Variants in RASA3 observed in about 807,000 individuals in gnomAD.
RASA3 encodes the protein ras GTPase-activating protein 3.
RASA3 carries 73 observed loss-of-function variants against 110.0 expected under a neutral mutation model. The observed-to-expected ratio is 0.66, with a 90% confidence interval of 0.55 to 0.81. RASA3 has a LOEUF of 0.81. Among genes scored for constraint, RASA3 ranks in the 30% least tolerant of loss-of-function variants. The pLI, the probability that RASA3 is intolerant of heterozygous loss-of-function variation, is 0.00. For synonymous variants in RASA3, 500 were observed against 451.4 expected, an observed-to-expected ratio of 1.11 and a Z score of -1.37; for missense variants, 976 against 1,113.2, an observed-to-expected ratio of 0.88 and a Z score of 1.75.
intron 1 of RASA3, among the ~76,000 whole-genome samples, chr13:114,090,631 A>C (rs2079878765): frequency 6.6e-6 from 1 of 152,178 alleles, no homozygotes; most frequent in African/African-American, 2.4e-5. Flanking sequence ...ATGGGCTGTG[A>C]AACTACAAGA....
At chr13:113,996,501 C>T in intron 21 of RASA3, 30 bp downstream of exon 21, 1 of 1,597,466 alleles carries the variant, frequency 6.3e-7, no homozygotes, top group Admixed American at 1.7e-5. Context: ...CTGCACAGTG[C>T]ACGAGCTGGG....
intron 2 of RASA3, among the ~76,000 whole-genome samples, chr13:114,066,784 G>A (rs868626386): frequency 1.1e-4 from 17 of 152,250 alleles, no homozygotes; most frequent in African/African-American, 2.2e-4. Flanking sequence ...ATGCTGGGCC[G>A]GGCTTGGGGG....
chr13:114,052,532 T>C (rs2079162228), intron 2 of RASA3, among the ~76,000 whole-genome samples: 1 of 152,182 alleles, frequency 6.6e-6, no homozygotes, highest in African/African-American at 2.4e-5. Context: ...TGGCTCCCTT[T>C]ATGCATTAAA....
intron 7 of RASA3, among the ~76,000 whole-genome samples, chr13:114,024,789 G>C (rs1475254741): frequency 6.6e-6 from 1 of 152,228 alleles, no homozygotes; most frequent in South Asian, 2.1e-4. Flanking sequence ...GAAGTGAAAC[G>C]CGTGAGGTCT....
chr13:114,025,006 G>A (rs974166708), intron 7 of RASA3, among the ~76,000 whole-genome samples: 5 of 152,208 alleles, frequency 3.3e-5, no homozygotes, highest in Non-Finnish European at 7.3e-5. Context: ...GCAGGAGGCC[G>A]ACCCACAGGC....
Position 114,013,184 on chromosome 13 carries a change from G to C in RASA3, c.1470C>G (p.Ala490=). The change falls in exon 15 of 24, where the codon GCC becomes GCG. Residue 490 remains alanine, a synonymous_variant. Transcript: ENST00000334062. ...GCTGGAAGAGGTTGGGGGAGAGAAT[G>C]GCGGGCGCAAAGAACCTCAGGAAGA... is the stretch of plus-strand genomic sequence containing the variant. ...SFIFLRFFAP[A]ILSPNLFQLT... 6.2e-7 allele frequency: 1 copy of C among 1,613,528 alleles called. No individual in the cohort carries two copies. The highest frequency in any genetic ancestry group is 8.5e-7 in the Non-Finnish European group (1 of 1,179,780).
intron 4 of RASA3, among the ~76,000 whole-genome samples, chr13:114,040,522 A>G (rs113455379): frequency 7.4e-6 from 1 of 135,310 alleles, no homozygotes; most frequent in Non-Finnish European, 1.6e-5. Flanking sequence ...ACAACCCAAA[A>G]TCCATGGCGG....
intron 14 of RASA3, 111 bp from the exon 15 acceptor site, chr13:114,013,359 C>G: frequency 3.2e-6 from 2 of 632,234 alleles, no homozygotes; most frequent in Admixed American, 5.4e-5. Context: ...ACAGTCCTGG[C>G]TCTATCTCCA....
chr13:114,022,462 A>C lies in RASA3; in HGVS notation c.681-954T>G, dbSNP rs552137440. On this transcript the variant is annotated intron_variant, in intron 8 of 23. Coordinates refer to ENST00000334062, the MANE Select transcript of RASA3 (RefSeq NM_007368.4). The stretch of plus-strand genomic sequence containing the variant: ...CAGTTACACGTGGCCAGCCCTACCC[A>C]GGGGGCTAAAACTCGGCAGGCCTAA... Among the ~76,000 whole-genome samples the C allele has an allele frequency of 2.6e-5, 4 of 152,320 alleles. No individual in the cohort carries two copies. The South Asian group carries it at 8.3e-4, about 32-fold the overall frequency.
intron 1 of RASA3, among the ~76,000 whole-genome samples, chr13:114,078,727 C>T (rs1014304845): frequency 3.3e-5 from 5 of 152,266 alleles, no homozygotes; most frequent in East Asian, 1.9e-4. Flanking sequence ...CGTCATGACT[C>T]CCACGCCCAC....
intron 22 of RASA3, among the ~76,000 whole-genome samples, chr13:113,989,857 T>C (rs1251263086): frequency 6.6e-6 from 1 of 152,228 alleles, no homozygotes; most frequent in Non-Finnish European, 1.5e-5. Flanking sequence ...GCTGAGGAGA[T>C]GGGAGATGGT....
In RASA3 at chr13:114,057,161, T is replaced by C. The variant is rs1304438198; in HGVS notation, c.174-5006A>G. 1.0e-6 allele frequency: 1 copy of C among 963,274 alleles called. No individual in the cohort carries two copies. The highest frequency in any genetic ancestry group is 6.2e-5 in the Admixed American group (1 of 16,254). 59.7% of individuals were successfully genotyped at this position (963,274 alleles called of 1,614,324 possible). ...ATGTCGTTTATTCTAGTGGTTCCAATTGCCTATTTTAATGTTTTTCTTCTT... is the reference window on the plus strand; with the variant it reads ...ATGTCGTTTATTCTAGTGGTTCCAACTGCCTATTTTAATGTTTTTCTTCTT... On this transcript the variant is annotated intron_variant, in intron 2 of 23. Transcript: ENST00000334062. This position sits in a 1 kb window ranked among gnomAD's most constrained non-coding sequence, Gnocchi z 5.0.
intron 19 of RASA3, 89 bp downstream of exon 19, chr13:114,000,737 C>G: frequency 1.0e-6 from 1 of 985,008 alleles, no homozygotes; most frequent in Non-Finnish European, 1.6e-6. Flanking sequence ...AATCCTTCCT[C>G]CCCTCAGCTC....
At chr13:114,028,496 G>A (rs1373994131) in intron 5 of RASA3, among the ~76,000 whole-genome samples, 1 of 151,442 alleles carries the variant, frequency 6.6e-6, no homozygotes, top group African/African-American at 2.4e-5. Context: ...TCATCTGGGA[G>A]CCAGGACCTC....
chr13:114,075,475 G>C (rs1252717639), intron 1 of RASA3, among the ~76,000 whole-genome samples: 1 of 89,650 alleles, frequency 1.1e-5, no homozygotes, highest in African/African-American at 4.1e-5. Context: ...GTATCTCTGC[G>C]TGTGGAGGCA....
intron 18 of RASA3, among the ~76,000 whole-genome samples, chr13:114,004,368 C>CA (rs1566465674): frequency 1.1e-4 from 16 of 150,698 alleles, no homozygotes; most frequent in South Asian, 2.1e-4. Flanking sequence ...AACAACTTAA[C>CA]AAAAAAAATA....
intron 1 of RASA3, among the ~76,000 whole-genome samples, chr13:114,120,715 T>C (rs1594478813): frequency 1.3e-5 from 2 of 152,352 alleles, no homozygotes; most frequent in African/African-American, 4.8e-5. Context: ...GCCCCACAGA[T>C]AACACGGAAA....
chr13:113,995,555 C>T (rs918985332), intron 21 of RASA3, among the ~76,000 whole-genome samples: 6 of 152,128 alleles, frequency 3.9e-5, no homozygotes, highest in South Asian at 2.1e-4. Context: ...TCCTTAGGAC[C>T]GGCAGATATG....
intron 8 of RASA3, among the ~76,000 whole-genome samples, chr13:114,022,881 T>G (rs1204579397): frequency 1.3e-5 from 2 of 152,198 alleles, no homozygotes; most frequent in Non-Finnish European, 2.9e-5. Flanking sequence ...TGTGAGTCCC[T>G]GGGGAGGCAG....
Sources: gnomAD v4.1 joint callset for allele counts (sites outside exome capture counted in the v4.1 genomes callset) on GRCh38, gnomAD v4.1.1 for gene constraint, Gnocchi (gnomAD v3.1) non-coding constraint, MANE v1.5 for transcripts, NCBI Gene and HGNC (gene_info 2026-07-23, HGNC 2026-07-21) for gene names.